KAT6B: variants seen among roughly 807,000 people sequenced by gnomAD.
KAT6B encodes the protein histone acetyltransferase KAT6B.
KAT6B carries 10 observed loss-of-function variants against 187.5 expected under a neutral mutation model. The ratio of observed to expected loss-of-function variants is 0.05; its 90% confidence interval spans 0.03 to 0.09. KAT6B has a LOEUF of 0.09. Ranked by LOEUF, KAT6B falls within the 10% of genes least tolerant of loss-of-function variation. The pLI, the probability that KAT6B is intolerant of heterozygous loss-of-function variation, is 1.00. For missense variants in KAT6B, 1,952 were observed against 2,558.9 expected (o/e 0.76, Z 5.12); for synonymous variants, 861 against 926.8 (o/e 0.93, Z 1.29).
intron 3 of KAT6B, among the ~76,000 whole-genome samples, chr10:74,866,648 A>T (rs1465471431): frequency 6.6e-6 from 1 of 152,226 alleles, no homozygotes; most frequent in African/African-American, 2.4e-5. Context: ...CTTGCCATAA[A>T]TAGAAGATAA....
At chr10:74,846,081 C>T (rs1161944497) in intron 3 of KAT6B, among the ~76,000 whole-genome samples, 1 of 152,034 alleles carries the variant, frequency 6.6e-6, no homozygotes, top group Non-Finnish European at 1.5e-5. Context: ...CCAGGCTGGT[C>T]TCGATCTCCT....
intron 3 of KAT6B, among the ~76,000 whole-genome samples, chr10:74,940,187 G>A (rs1849559575): frequency 6.6e-6 from 1 of 151,934 alleles, no homozygotes; most frequent in Admixed American, 6.6e-5. Flanking sequence ...AGAAAACCAT[G>A]TGTATGTATA....
chr10:74,850,373 A>C (rs529977137), intron 3 of KAT6B, among the ~76,000 whole-genome samples: 1 of 152,356 alleles, frequency 6.6e-6, no homozygotes, highest in East Asian at 1.9e-4. Flanking sequence ...CAGTAGAGAA[A>C]GTAGTAAGTC....
Position 74,976,063 on chromosome 10 carries a change from G to A in KAT6B, c.1726G>A (p.Glu576Lys). 1.2e-6 allele frequency: 2 copies of A among 1,614,138 alleles called. No homozygotes were observed. The highest frequency in any genetic ancestry group is 1.7e-6 in the Non-Finnish European group (2 of 1,180,038). The change falls in exon 8 of 18, where the codon GAA becomes AAA. Residue 576 changes from glutamate to lysine, a missense_variant. Glu to Lys is a moderately conservative substitution (Grantham distance 56). This residue lies in a region of KAT6B where 417 missense variants were observed against 508.9 expected (regional missense o/e 0.82). Coordinates refer to ENST00000287239, the MANE Select transcript of KAT6B (RefSeq NM_012330.4). Reference sequence around the variant, plus strand: ...ACCCAAACGTATGCGTCGTAAAACTGAATTATCTTCCACGGCAAAATCTAA... The same window carrying A: ...ACCCAAACGTATGCGTCGTAAAACTAAATTATCTTCCACGGCAAAATCTAA... ...APPKRMRRKT[E>K]LSSTAKSKAH...
In KAT6B at chr10:74,975,983, A is replaced by G. The variant is rs755919401; in HGVS notation, c.1646A>G (p.His549Arg). Residue 549 changes from histidine (H) to arginine (R), a missense_variant, in exon 8 of 18, where the codon CAT becomes CGT. His to Arg is a conservative substitution (Grantham distance 29). Transcript: ENST00000287239. ...QLKALFDGLS[H>R]IYTTQGQSRK... ...AAGGCACTCTTTGATGGGCTTTCTC[A>G]TATCTATACCACTCAGGGACAGTCT... is the stretch of plus-strand genomic sequence containing the variant. 1 of 1,614,052 alleles carries G rather than the reference A, an allele frequency of 6.2e-7. No homozygotes were observed. The highest frequency in any genetic ancestry group is 2.2e-5 in the East Asian group (1 of 44,880).
chr10:75,000,560 A>G (rs1843757153), intron 13 of KAT6B, among the ~76,000 whole-genome samples: 1 of 152,174 alleles, frequency 6.6e-6, no homozygotes, highest in Non-Finnish European at 1.5e-5. Context: ...ATCCAAGTCT[A>G]CAGACTTACG....
rs1842233057 is a variant in KAT6B at position 74,977,441 on chromosome 10, A to AG, written c.2115+6dup. ...GGCCCAGGAACTTTCTTGGGAGGTA[A>AG]GGCGAGGATCCCACATTGTAGTAGC... is the stretch of plus-strand genomic sequence containing the variant. On this transcript the variant is annotated splice_donor_region_variant and intron_variant, in intron 9 of 17. Coordinates refer to ENST00000287239, the MANE Select transcript of KAT6B (RefSeq NM_012330.4). 6.2e-7 allele frequency: 1 copy of AG among 1,613,580 alleles called. No individual in the cohort carries two copies. Among genetic ancestry groups the AG allele is most frequent in the African/African-American group, 1.3e-5 (1 of 74,920 alleles).
chr10:74,983,867 C>T (rs1842668288), intron 11 of KAT6B: 1 of 152,188 alleles, frequency 6.6e-6, no homozygotes, highest in Non-Finnish European at 1.5e-5. Flanking sequence ...GGCAACTTTT[C>T]TCCTAGCAGT....
intron 13 of KAT6B, among the ~76,000 whole-genome samples, chr10:75,004,085 T>C (rs967440683): frequency 1.4e-4 from 21 of 152,076 alleles, no homozygotes. Flanking sequence ...AAATTTTTTG[T>C]CTGTTTGGAT....
chr10:74,921,179 A>T (rs1484616331), intron 3 of KAT6B, among the ~76,000 whole-genome samples: 1 of 138,664 alleles, frequency 7.2e-6, no homozygotes, highest in Admixed American at 7.9e-5. Flanking sequence ...AAATGGCGAG[A>T]TCTTGCCTCA....
At chr10:74,973,776 A>C (rs558298584) in intron 7 of KAT6B, among the ~76,000 whole-genome samples, 1 of 152,344 alleles carries the variant, frequency 6.6e-6, no homozygotes, top group East Asian at 1.9e-4. Context: ...ATTTATGAAT[A>C]AAATCTTTCA....
At chr10:74,977,259 G>A (rs185502641) in intron 8 of KAT6B, 57 bp from the exon 9 acceptor site, 196 of 1,594,588 alleles carry the variant, frequency 1.2e-4, no homozygotes, top group Admixed American at 1.1e-3. Context: ...GGTAATATAT[G>A]GTGGTTACTC....
chr10:75,021,826 C>T (rs1845427287), intron 15 of KAT6B, 55 bp from the exon 16 acceptor site: 27 of 1,594,622 alleles, frequency 1.7e-5, no homozygotes, highest in Non-Finnish European at 2.2e-5. Context: ...TCCTCAGAGG[C>T]TCTGGCTGTG....
In KAT6B at chr10:75,030,587, C is replaced by G; in HGVS notation, c.5763C>G (p.Gly1921=). 6.2e-7 allele frequency: 1 copy of G among 1,611,036 alleles called. No homozygotes were observed. The highest frequency in any genetic ancestry group is 1.3e-5 in the African/African-American group (1 of 74,954). The change falls in exon 18 of 18, where the codon GGC becomes GGG. Residue 1921 remains glycine, a synonymous_variant. Transcript: ENST00000287239. The surrounding 1 kb of genome is among the most constrained non-coding windows in gnomAD (Gnocchi z 4.8). ...QRLQTQIASK[G]HISMRTKSAS... ...TGCAAACCCAGATTGCCAGCAAGGG[C>G]CACATCTCCATGAGAACCAAGTCAG... is the stretch of plus-strand genomic sequence containing the variant.
chr10:74,975,817 C>T lies in KAT6B; in HGVS notation c.1480C>T (p.Leu494Phe). ...TQKLKPPPSS[L>F]PPPTPISGQS... is the part of the protein sequence containing the mutation. ...AAAGCTAAAACCTCCACCTTCTTCA[C>T]TTCCACCCCCAACCCCCATCTCCGG... The change falls in exon 8 of 18, where the codon CTT becomes TTT. Residue 494 changes from leucine to phenylalanine, a missense_variant. Physicochemically the swap from Leu to Phe is conservative, Grantham distance 22. Around this residue, in one of 9 missense-constraint regions of KAT6B, gnomAD observed 417 missense variants for 508.9 expected, o/e 0.82. Transcript: ENST00000287239. 1 of 1,614,200 alleles carries T rather than the reference C, an allele frequency of 6.2e-7. No homozygotes were observed. Among genetic ancestry groups the T allele is most frequent in the Non-Finnish European group, 8.5e-7 (1 of 1,180,036 alleles).
intron 8 of KAT6B, 85 bp downstream of exon 8, chr10:74,976,415 A>G (rs1842166601): frequency 1.9e-6 from 2 of 1,060,672 alleles, no homozygotes; most frequent in African/African-American, 1.6e-5. Context: ...ATCAATTCCT[A>G]TTTGTCACAT....
chr10:74,916,098 G>T (rs1438841240), intron 3 of KAT6B, among the ~76,000 whole-genome samples: 1 of 152,162 alleles, frequency 6.6e-6, no homozygotes, highest in African/African-American at 2.4e-5. Flanking sequence ...GGAGGCGGAG[G>T]TTGCAGTGAG....
chr10:74,871,647 T>C (rs1843984657), intron 3 of KAT6B, among the ~76,000 whole-genome samples: 1 of 152,144 alleles, frequency 6.6e-6, no homozygotes, highest in African/African-American at 2.4e-5. Context: ...GCCTGAGCAA[T>C]ATAGAGATAC....
intron 3 of KAT6B, among the ~76,000 whole-genome samples, chr10:74,937,872 C>T (rs1210898814): frequency 6.6e-6 from 1 of 152,234 alleles, no homozygotes; most frequent in Non-Finnish European, 1.5e-5. Flanking sequence ...TCACCAGCAA[C>T]CACTACAATT....
Sources: allele counts gnomAD v4.1 joint callset (sites outside exome capture counted in the v4.1 genomes callset), GRCh38; gene constraint gnomAD v4.1.1; regional missense constraint gnomAD v4.1.1; non-coding constraint Gnocchi (gnomAD v3.1); transcripts MANE v1.5; gene names NCBI Gene and HGNC (gene_info 2026-07-23, HGNC 2026-07-21).